Variants in RAB22A observed in about 807,000 individuals in gnomAD.
RAB22A encodes RAB22A, member RAS oncogene family.
In RAB22A, 13 loss-of-function variants were observed where a neutral mutation model predicts 30.2. The observed-to-expected ratio is 0.43, with a 90% CI of 0.28 to 0.68. The LOEUF is 0.68. RAB22A is among the 30% of genes least tolerant of loss of function. The pLI is 0.18. For missense variants in RAB22A, 177 were observed against 246.8 expected (o/e 0.72, Z 1.89); for synonymous variants, 89 against 87.2 (o/e 1.02, Z -0.11).
Position 58,365,215 on chromosome 20 carries a change from A to G in RAB22A, c.*5512A>G, listed in dbSNP as rs1286346514. 6.6e-6 allele frequency: 1 copy of G among 152,160 alleles called. No homozygotes were observed. The highest frequency in any genetic ancestry group is 2.4e-5 in the African/African-American group (1 of 41,444). 9.4% of individuals were successfully genotyped at this position (152,160 alleles called of 1,614,324 possible). On this transcript the variant is annotated 3_prime_UTR_variant, in exon 7 of 7. Coordinates refer to ENST00000244040, the MANE Select transcript of RAB22A (RefSeq NM_020673.3). Reference sequence around the variant, plus strand: ...TGGAGGAAATCATCCTTAAAATAGCATTTCACACATAGGGCCAAAATTGAA... The same window carrying G: ...TGGAGGAAATCATCCTTAAAATAGCGTTTCACACATAGGGCCAAAATTGAA...
At chr20:58,315,422 C>T (rs1447804577) in intron 2 of RAB22A, among the ~76,000 whole-genome samples, 1 of 152,166 alleles carries the variant, frequency 6.6e-6, no homozygotes, top group Non-Finnish European at 1.5e-5. Flanking sequence ...GTGTTCTTCC[C>T]TAAGGGCTCG....
At chr20:58,358,089 G>A (rs1383040907) in intron 6 of RAB22A, among the ~76,000 whole-genome samples, 1 of 152,202 alleles carries the variant, frequency 6.6e-6, no homozygotes, top group Non-Finnish European at 1.5e-5. Context: ...TGTCCTGATT[G>A]ATTGTAGTGT....
At chr20:58,350,902 G>T (rs1391032915) in intron 3 of RAB22A, among the ~76,000 whole-genome samples, 2 of 152,104 alleles carry the variant, frequency 1.3e-5, no homozygotes, top group Non-Finnish European at 2.9e-5. Context: ...TATAACACTG[G>T]ATTGTATAGT....
At chr20:58,350,601 A>G (rs1410254714) in intron 3 of RAB22A, among the ~76,000 whole-genome samples, 2 of 152,266 alleles carry the variant, frequency 1.3e-5, no homozygotes, top group Non-Finnish European at 2.9e-5. Flanking sequence ...AACTTTACAC[A>G]TAAACGCCGG....
In RAB22A at chr20:58,367,505, A is replaced by G. The variant is rs901355330; in HGVS notation, c.*7802A>G. On this transcript the variant is annotated 3_prime_UTR_variant, in exon 7 of 7. Transcript: ENST00000244040. ...TTAATAAAATGCTATGTTTACAAAT[A>G]TATATTTGCCTCCCAAATGGTTTCT... 1 of 152,674 alleles carries G rather than the reference A, an allele frequency of 6.5e-6. No individual in the cohort carries two copies. The highest frequency in any genetic ancestry group is 1.5e-5 in the Non-Finnish European group (1 of 68,040). 9.5% of individuals were successfully genotyped at this position (152,674 alleles called of 1,614,324 possible).
intron 2 of RAB22A, among the ~76,000 whole-genome samples, chr20:58,312,779 C>T (rs1043666684): frequency 1.7e-4 from 26 of 152,052 alleles, no homozygotes; most frequent in Non-Finnish European, 1.3e-4. Context: ...CGTGAGCCAC[C>T]GTGCCTGGCC....
intron 3 of RAB22A, among the ~76,000 whole-genome samples, chr20:58,344,138 A>G (rs1007966473): frequency 4.6e-5 from 7 of 152,368 alleles, no homozygotes; most frequent in East Asian, 1.9e-4. Context: ...AATTAGTGGT[A>G]GAAAGGGTGA....
At chr20:58,322,866 A>G (rs1358091050) in intron 2 of RAB22A, among the ~76,000 whole-genome samples, 1 of 151,606 alleles carries the variant, frequency 6.6e-6, no homozygotes, top group African/African-American at 2.4e-5. Flanking sequence ...ACGATTTCTA[A>G]TTTTTTTTCA....
Position 58,340,920 on chromosome 20 carries a change from C to T in RAB22A, c.117-2798C>T, listed in dbSNP as rs575583947. ...CAAGGAAGAGGAGCAGTCAGTGGTC[C>T]GTGGGAAGGTGGACACAGGGACAAT... On this transcript the variant is annotated intron_variant, in intron 2 of 6. Transcript: ENST00000244040. Among the ~76,000 whole-genome samples, 5 of 152,114 alleles carry T rather than the reference C, an allele frequency of 3.3e-5. No individual in the cohort carries two copies. The East Asian group carries it at 7.7e-4, about 24-fold the overall frequency.
rs1313214675 is a variant in RAB22A, at chr20:58,362,908, C to G, written c.*3205C>G. 2 of 152,176 alleles carry G rather than the reference C, an allele frequency of 1.3e-5. No homozygotes were observed. Among genetic ancestry groups the G allele is most frequent in the Non-Finnish European group, 2.9e-5 (2 of 68,028 alleles). The allele number at this position is 152,176 out of a possible 1,614,324, so 9.4% of individuals were successfully genotyped here. ...CTCCTCTATGTGGGCTGGTGTCCTT[C>G]TTGAAGTTGTCAATTCCTCTTATTC... On this transcript the variant is annotated 3_prime_UTR_variant, in exon 7 of 7. Transcript: ENST00000244040.
chr20:58,359,624 C>T lies in RAB22A; in HGVS notation c.506C>T (p.Thr169Ile). 1 of 1,610,046 alleles carries T rather than the reference C, an allele frequency of 6.2e-7. No homozygotes were observed. Among genetic ancestry groups the T allele is most frequent in the Admixed American group, 1.7e-5 (1 of 59,938 alleles). The part of the protein sequence containing the change: ...FIEISRRIPS[T>I]DANLPSGGKG... ...GGTTTAGGTCGAAGAATTCCATCCA[C>T]TGACGCCAACCTGCCATCTGGCGGT... Residue 169 changes from threonine to isoleucine, a missense_variant, in exon 7 of 7, where the codon ACT (threonine) becomes ATT (isoleucine). Physicochemically the swap from Thr to Ile is moderately conservative, Grantham distance 89. Transcript: ENST00000244040.
At chr20:58,320,614 T>A (rs1986434995) in intron 2 of RAB22A, among the ~76,000 whole-genome samples, 1 of 152,238 alleles carries the variant, frequency 6.6e-6, no homozygotes, top group African/African-American at 2.4e-5. Flanking sequence ...TTCATGGATT[T>A]TGATATGTTG....
At chr20:58,349,455 T>G (rs1350181061) in intron 3 of RAB22A, among the ~76,000 whole-genome samples, 1 of 152,210 alleles carries the variant, frequency 6.6e-6, no homozygotes, top group East Asian at 1.9e-4. Flanking sequence ...AAAATCTGTT[T>G]ATAAATTCCC....
chr20:58,358,715 C>T (rs558849560), intron 6 of RAB22A, among the ~76,000 whole-genome samples: 2 of 151,972 alleles, frequency 1.3e-5, no homozygotes, highest in South Asian at 4.1e-4. Context: ...GCCAACATGG[C>T]GAAACCTGGT....
Position 58,367,157 on chromosome 20 carries a change from C to T in RAB22A, c.*7454C>T, listed in dbSNP as rs540198754. ...TGGCCTGGTTACCTGTCATGGAATG[C>T]TGCAGTGGTGGTTTGCCAAGCTTCT... On this transcript the variant is annotated 3_prime_UTR_variant, in exon 7 of 7. Coordinates refer to ENST00000244040, the MANE Select transcript of RAB22A (RefSeq NM_020673.3). The T allele has an allele frequency of 6.6e-6, 1 of 152,596 alleles. No homozygotes were observed. The highest frequency in any genetic ancestry group is 2.1e-4 in the South Asian group (1 of 4,834). The allele number at this position is 152,596 out of a possible 1,614,324, so 9.5% of individuals were successfully genotyped here. A position where few individuals can be genotyped will look rare whatever the true frequency, so the allele number is the denominator to read the frequency against.
rs948552273 is a variant in RAB22A, at chr20:58,365,101, C to G, written c.*5398C>G. ...TAAGCTGTAGACATTAATATTATAACAAACAAAACATGCCAGTTTTACTGA... is the reference window on the plus strand; with the variant it reads ...TAAGCTGTAGACATTAATATTATAAGAAACAAAACATGCCAGTTTTACTGA... On this transcript the variant is annotated 3_prime_UTR_variant, in exon 7 of 7. Transcript: ENST00000244040. 1 of 152,146 alleles carries G rather than the reference C, an allele frequency of 6.6e-6. No individual in the cohort carries two copies. The highest frequency in any genetic ancestry group is 2.4e-5 in the African/African-American group (1 of 41,436). The allele number at this position is 152,146 out of a possible 1,614,324, so 9.4% of individuals were successfully genotyped here.
At chr20:58,341,035 A>T (rs186032070) in intron 2 of RAB22A, among the ~76,000 whole-genome samples, 1 of 152,344 alleles carries the variant, frequency 6.6e-6, no homozygotes, top group East Asian at 1.9e-4. Context: ...GCATTGACAC[A>T]TGAGCCAAAG....
At chr20:58,355,629 A>T (rs1335898565) in intron 6 of RAB22A, among the ~76,000 whole-genome samples, 1 of 151,968 alleles carries the variant, frequency 6.6e-6, no homozygotes, top group Non-Finnish European at 1.5e-5. Context: ...AGACCACCTT[A>T]GGCAACATAG....
rs1987257245 is a variant in RAB22A at position 58,363,170 on chromosome 20, C to G, written c.*3467C>G. The G allele has an allele frequency of 6.6e-6, 1 of 152,336 alleles. No individual in the cohort carries two copies. The highest frequency in any genetic ancestry group is 1.9e-4 in the East Asian group (1 of 5,182). 9.4% of individuals were successfully genotyped at this position (152,336 alleles called of 1,614,324 possible). A position where few individuals can be genotyped will look rare whatever the true frequency, so the allele number is the denominator to read the frequency against. ...ATAAGCAGTTTAGATTCCGACGACA[C>G]TGCACTAATTGGCATGTCAGCCTCC... On this transcript the variant is annotated 3_prime_UTR_variant, in exon 7 of 7. Coordinates refer to ENST00000244040, the MANE Select transcript of RAB22A (RefSeq NM_020673.3).
Sources: allele counts gnomAD v4.1 joint callset (sites outside exome capture counted in the v4.1 genomes callset), GRCh38; gene constraint gnomAD v4.1.1; transcripts MANE v1.5; gene names NCBI Gene and HGNC (gene_info 2026-07-23, HGNC 2026-07-21).